Variants in SHTN1 observed in about 807,000 individuals in gnomAD.
The protein encoded by SHTN1 is shootin-1.
In SHTN1, 42 loss-of-function variants were observed where a neutral mutation model predicts 83.1. The ratio of observed to expected loss-of-function variants is 0.51; its 90% CI spans 0.39 to 0.65. The LOEUF is 0.65. Ranked by LOEUF, SHTN1 falls within the 30% of genes least tolerant of loss-of-function variation. The pLI is 0.00. For synonymous variants in SHTN1, 224 were observed against 247.7 expected (o/e 0.90, Z 0.90); for missense variants, 622 against 737.8 (o/e 0.84, Z 1.82).
At chr10:117,025,877 A>C (rs1852326680) in intron 2 of SHTN1, among the ~76,000 whole-genome samples, 1 of 152,114 alleles carries the variant, frequency 6.6e-6, no homozygotes, top group Admixed American at 6.6e-5. Flanking sequence ...TCACCTACTA[A>C]CTGAAGAGCC....
chr10:117,106,889 C>T (rs966588358), intron 1 of SHTN1, among the ~76,000 whole-genome samples: 4 of 152,128 alleles, frequency 2.6e-5, no homozygotes, highest in Non-Finnish European at 5.9e-5. Flanking sequence ...CTCTCTGTAT[C>T]TCATTTTCCT....
At chr10:117,036,357 T>C (rs10749234) in intron 2 of SHTN1, among the ~76,000 whole-genome samples, 134,872 of 152,190 alleles carry the variant, frequency 0.89, 61,092 homozygotes, top group Non-Finnish European at 0.98. Context: ...CAGCACTGTT[T>C]GCAATAGCCA....
intron 4 of SHTN1, among the ~76,000 whole-genome samples, chr10:116,954,884 C>T (rs935220598): frequency 1.3e-5 from 2 of 152,044 alleles, no homozygotes; most frequent in African/African-American, 4.8e-5. Flanking sequence ...AAAACTGAAG[C>T]TGATGTGTAG....
chr10:116,922,796 C>A (rs1170576658), intron 11 of SHTN1, among the ~76,000 whole-genome samples: 2 of 152,042 alleles, frequency 1.3e-5, no homozygotes, highest in African/African-American at 4.8e-5. Flanking sequence ...AAAACCCTGT[C>A]TCTACTAAAA....
intron 7 of SHTN1, among the ~76,000 whole-genome samples, chr10:116,945,929 C>A (rs1849558223): frequency 6.6e-6 from 1 of 152,094 alleles, no homozygotes. Flanking sequence ...TGCCTGTCCA[C>A]ATGCATGAAT....
chr10:116,949,150 G>A lies in SHTN1; in HGVS notation c.535-153C>T, dbSNP rs1268430643. Among the ~76,000 whole-genome samples, 7 of 152,110 alleles carry A rather than the reference G, an allele frequency of 4.6e-5. No individual in the cohort carries two copies. In the East Asian group the frequency reaches 9.6e-4, roughly 21 times the overall value. ...CAATGTGTTAGGACTTTTTATTAAA[G>A]CTCTTCTTTAAAGCTTCAAGGATAG... On this transcript the variant is annotated intron_variant, in intron 6 of 16. Transcript: ENST00000355371.
intron 1 of SHTN1, among the ~76,000 whole-genome samples, chr10:117,067,626 AAATC>A (rs1033598135): frequency 2.6e-5 from 4 of 152,150 alleles, no homozygotes; most frequent in Admixed American, 6.6e-5. Flanking sequence ...AAAAATTTTA[AAATC>A]AATCAATCAA....
Position 116,886,361 on chromosome 10 carries a change from C to G in SHTN1, c.1879G>C (p.Asp627His). ...EDSIENVRET[D>H]SSNC Reference sequence around the variant, plus strand: ...TTTATGGATCAGCAGTTGGAGCTGTCTGTCTCTCTCACGTTTTCAATGCTG... The same window carrying G: ...TTTATGGATCAGCAGTTGGAGCTGTGTGTCTCTCTCACGTTTTCAATGCTG... The change falls in exon 17 of 17, where the codon GAC becomes CAC. Residue 627 changes from aspartate (D) to histidine (H), a missense_variant. Asp to His is a moderately conservative substitution (Grantham distance 81). This residue lies in a region of SHTN1 where 231 missense variants were observed against 251.6 expected (regional missense o/e 0.92). Transcript: ENST00000355371. 1 of 1,554,170 alleles carries G rather than the reference C, an allele frequency of 6.4e-7. No individual in the cohort carries two copies. The highest frequency in any genetic ancestry group is 8.7e-7 in the Non-Finnish European group (1 of 1,147,856).
intron 1 of SHTN1, among the ~76,000 whole-genome samples, chr10:116,985,956 C>A (rs1341617325): frequency 1.3e-5 from 2 of 152,118 alleles, no homozygotes; most frequent in African/African-American, 2.4e-5. Flanking sequence ...GATAGAAAAT[C>A]TGATCAAAAA....
At chr10:117,117,886 T>C (rs1483626095) in intron 1 of SHTN1, among the ~76,000 whole-genome samples, 1 of 152,000 alleles carries the variant, frequency 6.6e-6, no homozygotes, top group Non-Finnish European at 1.5e-5. Context: ...TACACAAAAA[T>C]CAAATCAAAA....
intron 2 of SHTN1, among the ~76,000 whole-genome samples, chr10:117,036,969 C>G (rs1852507023): frequency 6.6e-6 from 1 of 152,144 alleles, no homozygotes; most frequent in Admixed American, 6.5e-5. Flanking sequence ...TGGAATACAA[C>G]TGTCTTTGTT....
At chr10:116,996,409 A>T (rs141394080) in intron 1 of SHTN1, among the ~76,000 whole-genome samples, 6 of 152,318 alleles carry the variant, frequency 3.9e-5, no homozygotes, top group Non-Finnish European at 7.3e-5. Context: ...TGCAAGCTAA[A>T]GCTGGACAAC....
intron 13 of SHTN1, among the ~76,000 whole-genome samples, chr10:116,912,323 T>C (rs1187034135): frequency 3.3e-5 from 5 of 152,150 alleles, no homozygotes; most frequent in Admixed American, 2.0e-4. Context: ...GGAGGTCAGC[T>C]TACAGGGGCC....
intron 2 of SHTN1, among the ~76,000 whole-genome samples, chr10:117,039,729 T>C (rs1367683376): frequency 6.6e-6 from 1 of 151,910 alleles, no homozygotes; most frequent in East Asian, 1.9e-4. Context: ...GGTGGGCACC[T>C]GTAGTCCCAG....
intron 1 of SHTN1, among the ~76,000 whole-genome samples, chr10:117,084,676 A>G (rs11197892): frequency 0.18 from 27,272 of 151,834 alleles, 2,572 homozygotes; most frequent in East Asian, 0.32. Flanking sequence ...CTGCTGTGCT[A>G]GCAATCAGCG....
In SHTN1 at chr10:116,927,873, C is replaced by T. The variant is rs1848804192; in HGVS notation, c.1031G>A (p.Arg344Gln). Residue 344 changes from arginine to glutamine, a missense_variant, in exon 11 of 17, where the codon CGA becomes CAA. By Grantham distance (43) the Arg-to-Gln change is conservative (BLOSUM62 1). Transcript: ENST00000355371. ...TACTGAATTCTCAGACTGGTTCACT[C>T]GTTTCTGGAGTTCATCAACTGCACA... ...LKHSVDELQK[R>Q]VNQSENSVPP... The T allele has an allele frequency of 5.0e-6, 8 of 1,611,934 alleles. No homozygotes were observed. Among genetic ancestry groups the T allele is most frequent in the South Asian group, 2.2e-5 (2 of 90,886 alleles).
chr10:117,120,043 G>C (rs184301830), intron 1 of SHTN1, among the ~76,000 whole-genome samples: 2 of 152,180 alleles, frequency 1.3e-5, no homozygotes, highest in African/African-American at 4.8e-5. Context: ...AGGGTAGTCG[G>C]GAGCAGTGGG....
chr10:116,913,794 A>G (rs1848287846), intron 13 of SHTN1, among the ~76,000 whole-genome samples: 1 of 152,166 alleles, frequency 6.6e-6, no homozygotes, highest in South Asian at 2.1e-4. Flanking sequence ...CATGTGTCAG[A>G]TAAGGCAGGT....
intron 2 of SHTN1, among the ~76,000 whole-genome samples, chr10:117,018,890 G>A (rs1852223052): frequency 6.6e-6 from 1 of 151,788 alleles, no homozygotes; most frequent in Non-Finnish European, 1.5e-5. Context: ...CACTTTTATT[G>A]AACATCATAC....
Sources: allele counts gnomAD v4.1 joint callset (sites outside exome capture counted in the v4.1 genomes callset), GRCh38; gene constraint gnomAD v4.1.1; regional missense constraint gnomAD v4.1.1; transcripts MANE v1.5; gene names NCBI Gene and HGNC (gene_info 2026-07-23, HGNC 2026-07-21).